The following MTUS2 variants were observed in gnomAD, a reference collection of about 807,000 sequenced individuals.
MTUS2 encodes microtubule-associated tumor suppressor candidate 2.
A neutral mutation model predicts 114.1 loss-of-function variants in MTUS2; 40 were observed. The ratio of observed to expected loss-of-function variants is 0.35; its 90% CI spans 0.27 to 0.46. The LOEUF is 0.46. Ranked by LOEUF, MTUS2 falls within the 20% of genes least tolerant of loss-of-function variation. The pLI is 1.00. For synonymous variants in MTUS2, 688 were observed against 672.0 expected, an observed-to-expected ratio of 1.02 and a Z score of -0.37; for missense variants, 1,679 against 1,705.4, an observed-to-expected ratio of 0.98 and a Z score of 0.27.
intron 2 of MTUS2, among the ~76,000 whole-genome samples, chr13:28,964,348 C>A (rs1883475757): frequency 6.6e-6 from 1 of 152,174 alleles, no homozygotes; most frequent in Admixed American, 6.5e-5. Context: ...GTTCCTTCTA[C>A]CTGTTCCTCT....
intron 6 of MTUS2, among the ~76,000 whole-genome samples, chr13:29,310,150 G>T (rs1164720909): frequency 6.6e-6 from 1 of 152,028 alleles, no homozygotes; most frequent in African/African-American, 2.4e-5. Context: ...TATGCTAAGC[G>T]CTCTTAATCC....
chr13:29,056,565 C>T (rs372951962), intron 4 of MTUS2, among the ~76,000 whole-genome samples: 7 of 151,932 alleles, frequency 4.6e-5, no homozygotes, highest in African/African-American at 1.7e-4. Flanking sequence ...GGTTCAATCT[C>T]AGGACATTGT....
intron 2 of MTUS2, among the ~76,000 whole-genome samples, chr13:28,957,216 T>C (rs1407616079): frequency 6.6e-6 from 1 of 152,218 alleles, no homozygotes; most frequent in Non-Finnish European, 1.5e-5. Flanking sequence ...TGTTAGTGTC[T>C]GGTATCCTTT....
intron 2 of MTUS2, among the ~76,000 whole-genome samples, chr13:28,905,452 T>A (rs930969542): frequency 2.6e-5 from 4 of 151,440 alleles, no homozygotes; most frequent in Non-Finnish European, 5.9e-5. Flanking sequence ...TTATTGAGAG[T>A]TTTTAGCATG....
intron 2 of MTUS2, among the ~76,000 whole-genome samples, chr13:28,975,007 T>A (rs569248060): frequency 5.9e-4 from 90 of 152,302 alleles, no homozygotes; most frequent in African/African-American, 1.9e-3. Flanking sequence ...AATGTAAGGA[T>A]CGAGTGATAA....
intron 3 of MTUS2, among the ~76,000 whole-genome samples, chr13:29,029,381 A>G (rs964266239): frequency 6.6e-6 from 1 of 152,216 alleles, no homozygotes; most frequent in Non-Finnish European, 1.5e-5. Context: ...GTGGTCTCCA[A>G]TTAAAAGTGA....
chr13:29,495,620 C>T (rs555323791), intron 12 of MTUS2, among the ~76,000 whole-genome samples: 1 of 152,106 alleles, frequency 6.6e-6, no homozygotes, highest in South Asian at 2.1e-4. Context: ...CCTGTAATCC[C>T]GACACTCTGG....
chr13:29,476,523 TA>T (rs1880717518), intron 9 of MTUS2: 1 of 151,744 alleles, frequency 6.6e-6, no homozygotes, highest in Non-Finnish European at 1.5e-5. Flanking sequence ...TCTCTTTTGG[TA>T]AAAATTTTAT....
At chr13:29,265,751 T>G (rs1449611506) in intron 5 of MTUS2, among the ~76,000 whole-genome samples, 1 of 152,138 alleles carries the variant, frequency 6.6e-6, no homozygotes, top group East Asian at 1.9e-4. Flanking sequence ...TACAAACTTT[T>G]ACAAAACCAG....
intron 5 of MTUS2, among the ~76,000 whole-genome samples, chr13:29,219,860 G>A (rs73449312): frequency 0.025 from 3,788 of 152,280 alleles, 152 homozygotes; most frequent in African/African-American, 0.086. Flanking sequence ...AGAGAGCTGG[G>A]ATGTTGCTCT....
intron 2 of MTUS2, among the ~76,000 whole-genome samples, chr13:29,021,079 C>T (rs1031047409): frequency 1.3e-5 from 2 of 152,122 alleles, no homozygotes; most frequent in Non-Finnish European, 2.9e-5. Flanking sequence ...CTAGTCTGGT[C>T]AATGTATCGA....
intron 4 of MTUS2, among the ~76,000 whole-genome samples, chr13:29,064,398 T>G (rs1399414119): frequency 1.3e-5 from 2 of 148,648 alleles, no homozygotes; most frequent in East Asian, 3.9e-4. Flanking sequence ...AGGTTTTTTT[T>G]TTTTTTTTTT....
chr13:29,215,492 T>C (rs1895641683), intron 5 of MTUS2, among the ~76,000 whole-genome samples: 1 of 85,392 alleles, frequency 1.2e-5, no homozygotes, highest in African/African-American at 4.4e-5. Context: ...TTTTTTTTTT[T>C]TTTCCCCATC....
Position 29,130,395 on chromosome 13 carries a change from G to A in MTUS2, c.2644+29425G>A, listed in dbSNP as rs578080206. On this transcript the variant is annotated intron_variant, in intron 5 of 15. Coordinates refer to ENST00000612955, the MANE Select transcript of MTUS2 (RefSeq NM_001033602.4). ...TCGCTCTTCCTTCTGCCCAGGCACC[G>A]GGCTCACCCTTGCTCGAGACCTGAA... Among the ~76,000 whole-genome samples the A allele has an allele frequency of 3.3e-5, 5 of 151,998 alleles. No homozygotes were observed. In the South Asian group the frequency reaches 8.3e-4, roughly 25 times the overall value.
chr13:29,086,719 G>A (rs1228085962), intron 4 of MTUS2, among the ~76,000 whole-genome samples: 2 of 152,114 alleles, frequency 1.3e-5, no homozygotes, highest in African/African-American at 4.8e-5. Flanking sequence ...GGGCACTATG[G>A]CCATTTTAAC....
At chr13:29,502,521 G>A (rs1448575938) in intron 15 of MTUS2, among the ~76,000 whole-genome samples, 1 of 152,234 alleles carries the variant, frequency 6.6e-6, no homozygotes, top group Non-Finnish European at 1.5e-5. Flanking sequence ...CTGCCATCGT[G>A]GAGGCACAAG....
intron 2 of MTUS2, among the ~76,000 whole-genome samples, chr13:28,846,274 G>T (rs1035506819): frequency 1.1e-4 from 16 of 152,040 alleles, no homozygotes; most frequent in African/African-American, 3.6e-4. Context: ...AGTTTTTGAG[G>T]TCTCCCAATC....
chr13:29,260,080 G>A (rs1897413797), intron 5 of MTUS2, among the ~76,000 whole-genome samples: 1 of 152,200 alleles, frequency 6.6e-6, no homozygotes, highest in African/African-American at 2.4e-5. Context: ...GATGAGTCTA[G>A]TAATTTTAGC....
chr13:28,975,702 C>G (rs1283006983), intron 2 of MTUS2, among the ~76,000 whole-genome samples: 2 of 152,190 alleles, frequency 1.3e-5, no homozygotes, highest in Non-Finnish European at 2.9e-5. Flanking sequence ...TTGCCAGAAA[C>G]CATGAGGACA....
Sources: gnomAD v4.1 joint callset for allele counts (sites outside exome capture counted in the v4.1 genomes callset) on GRCh38, gnomAD v4.1.1 for gene constraint, MANE v1.5 for transcripts, NCBI Gene and HGNC (gene_info 2026-07-23, HGNC 2026-07-21) for gene names.